ERCC6L: variants seen among roughly 807,000 people sequenced by gnomAD.
ERCC6L encodes the protein DNA excision repair protein ERCC-6-like.
Under a neutral mutation model 20.1 loss-of-function variants are expected in ERCC6L, and 7 were observed. The ratio of observed to expected loss-of-function variants is 0.35; its 90% CI spans 0.20 to 0.65. ERCC6L has a LOEUF of 0.65. Among genes scored for constraint, ERCC6L ranks in the 30% least tolerant of loss-of-function variants. ERCC6L has a pLI of 0.69. For missense variants in ERCC6L, 592 were observed against 892.4 expected (o/e 0.66, Z 4.29); for synonymous variants, 278 against 331.3 (o/e 0.84, Z 1.75).
At chrX:72,233,217 C>G (rs1450238831) in intron 1 of ERCC6L, among the ~76,000 whole-genome samples, 1 of 111,266 alleles carries the variant, frequency 9.0e-6, no homozygotes, top group Non-Finnish European at 1.9e-5. Flanking sequence ...GTATTCATGC[C>G]AAAAATATTG....
chrX:72,206,075 TGG>T lies in ERCC6L; in HGVS notation c.2690_2691del (p.Pro897HisfsTer7). 8.3e-7 allele frequency: 1 copy of T among 1,210,966 alleles called. No individual in the cohort carries two copies. Among genetic ancestry groups the T allele is most frequent in the South Asian group, 1.8e-5 (1 of 56,772 alleles). On this transcript the variant is annotated frameshift_variant, in exon 2 of 2. Transcript: ENST00000334463. LOFTEE classifies it low-confidence loss of function (END_TRUNC). The part of the protein sequence containing the change: ...DEILRHCNPW[P>X]IISITNESQN... ...TGACTTTCATTTGTTATGGAAATAA[TGG>T]GCCAAGGATTGCAATGACGTAAAAT...
In ERCC6L at chrX:72,208,569, G is replaced by A. The variant is rs2042834536; in HGVS notation, c.198C>T (p.Ala66=). ...CTCCCTGTTCTGCCAACTCCTCCAA[G>A]GCTTCCTGTATTTTTTGGATTCTGC... The part of the protein sequence containing the change: ...VLSRIQKIQE[A]LEELAEQGDD... The change falls in exon 2 of 2, where the codon GCC becomes GCT. Residue 66 remains alanine, a synonymous_variant. Transcript: ENST00000334463. 1 of 1,211,507 alleles carries A rather than the reference G, an allele frequency of 8.3e-7. No individual in the cohort carries two copies. Among genetic ancestry groups the A allele is most frequent in the Non-Finnish European group, 1.1e-6 (1 of 895,432 alleles).
chrX:72,210,186 C>T (rs959916661), intron 1 of ERCC6L, among the ~76,000 whole-genome samples: 4 of 68,762 alleles, frequency 5.8e-5, no homozygotes, highest in Non-Finnish European at 6.9e-5. Flanking sequence ...AATAACATAG[C>T]GAGACTGTCT....
chrX:72,209,775 T>C (rs750945885), intron 1 of ERCC6L, among the ~76,000 whole-genome samples: 1 of 111,682 alleles, frequency 9.0e-6, no homozygotes, highest in East Asian at 2.8e-4. Context: ...AAAGAAATCA[T>C]GTCACTCCTC....
intron 1 of ERCC6L, among the ~76,000 whole-genome samples, chrX:72,223,509 C>A (rs1161809418): frequency 9.4e-6 from 1 of 106,432 alleles, no homozygotes; most frequent in Non-Finnish European, 1.9e-5. Flanking sequence ...CCTGCCTCAG[C>A]CTCCCGAGTA....
intron 1 of ERCC6L, among the ~76,000 whole-genome samples, chrX:72,236,132 C>T (rs368702799): frequency 1.8e-5 from 2 of 110,417 alleles, no homozygotes; most frequent in Non-Finnish European, 3.8e-5. Context: ...AATGCTTGAA[C>T]GGTGGTGTAA....
At chrX:72,216,116 ATTGAT>A (rs781119681) in intron 1 of ERCC6L, among the ~76,000 whole-genome samples, 2 of 110,652 alleles carry the variant, frequency 1.8e-5, no homozygotes, top group South Asian at 3.9e-4. Flanking sequence ...TGCAGATGTT[ATTGAT>A]TTAAGATGAG....
chrX:72,215,956 C>T (rs1353963224), intron 1 of ERCC6L, among the ~76,000 whole-genome samples: 1 of 110,535 alleles, frequency 9.0e-6, no homozygotes, highest in Non-Finnish European at 1.9e-5. Context: ...AAAATGTTGG[C>T]ATTTCTGGGG....
chrX:72,225,363 A>T (rs913700786), intron 1 of ERCC6L, among the ~76,000 whole-genome samples: 1 of 111,833 alleles, frequency 8.9e-6, no homozygotes, highest in African/African-American at 3.3e-5. Flanking sequence ...GCTTCAGTAC[A>T]TGGATGATTT....
At chrX:72,221,337 C>T (rs757138998) in intron 1 of ERCC6L, among the ~76,000 whole-genome samples, 3 of 112,069 alleles carry the variant, frequency 2.7e-5, no homozygotes, top group African/African-American at 3.2e-5. Flanking sequence ...TCTGCCATCC[C>T]GGTCCTCAGA....
chrX:72,219,236 A>G (rs1419495524), intron 1 of ERCC6L, among the ~76,000 whole-genome samples: 1 of 109,770 alleles, frequency 9.1e-6, no homozygotes, highest in Non-Finnish European at 1.9e-5. Flanking sequence ...AGCCTGGGAA[A>G]CAGAATGAGA....
chrX:72,230,377 C>T (rs1409543721), intron 1 of ERCC6L, among the ~76,000 whole-genome samples: 1 of 109,785 alleles, frequency 9.1e-6, no homozygotes, highest in Non-Finnish European at 1.9e-5. Flanking sequence ...ACCTCCTCTC[C>T]TCCCAGAGAC....
At chrX:72,221,663 C>T (rs899086228) in intron 1 of ERCC6L, among the ~76,000 whole-genome samples, 1 of 111,068 alleles carries the variant, frequency 9.0e-6, no homozygotes, top group African/African-American at 3.3e-5. Flanking sequence ...TAATGACAGC[C>T]GATGGTTGGA....
chrX:72,221,160 G>T (rs2042920795), intron 1 of ERCC6L, among the ~76,000 whole-genome samples: 1 of 111,584 alleles, frequency 9.0e-6, no homozygotes, highest in South Asian at 3.7e-4. Context: ...TGGGTATTTT[G>T]CCCTCTCCCC....
chrX:72,206,503 G>A lies in ERCC6L; in HGVS notation c.2264C>T (p.Ser755Leu). 8.3e-7 allele frequency: 1 copy of A among 1,211,565 alleles called. No homozygotes were observed. The highest frequency in any genetic ancestry group is 1.1e-6 in the Non-Finnish European group (1 of 895,498). The stretch of plus-strand genomic sequence containing the variant: ...AGTATGATGAGTACTTAGAAGAGGT[G>A]AAGGCTGAGGCTGTGGTTTATTCAA... ...PKLNKPQPQP[S>L]PLLSTHHTQE... Residue 755 changes from serine (S) to leucine (L), a missense_variant, in exon 2 of 2, where the codon TCA (serine) becomes TTA (leucine). This residue lies in a region of ERCC6L where 352 missense variants were observed against 402.6 expected (regional missense o/e 0.87). Coordinates refer to ENST00000334463, the MANE Select transcript of ERCC6L (RefSeq NM_017669.4).
intron 1 of ERCC6L, among the ~76,000 whole-genome samples, chrX:72,211,903 G>C (rs2042856593): frequency 8.9e-6 from 1 of 112,047 alleles, no homozygotes; most frequent in African/African-American, 3.2e-5. Flanking sequence ...TGGCAAAACT[G>C]CCCAGTTGCT....
chrX:72,229,270 G>A (rs2042969892), intron 1 of ERCC6L, among the ~76,000 whole-genome samples: 2 of 111,151 alleles, frequency 1.8e-5, no homozygotes, highest in African/African-American at 6.5e-5. Context: ...CAAACTAACC[G>A]AGTTAACTAC....
In ERCC6L at chrX:72,205,916, A is replaced by G. The variant is rs2042816239; in HGVS notation, c.2851T>C (p.Cys951Arg). The change falls in exon 2 of 2, where the codon TGT becomes CGT. Residue 951 changes from cysteine to arginine, a missense_variant. Cys to Arg is a radical substitution (Grantham distance 180, BLOSUM62 -3). Coordinates refer to ENST00000334463, the MANE Select transcript of ERCC6L (RefSeq NM_017669.4). ...TCTTCCAAGAAAAGATTGAAATCAC[A>G]TGCATACTGTGGTGAAGATGCTGAA... ...EPSASSPQYACDFNLFLEDSA... is the reference protein window; with the variant it reads ...EPSASSPQYARDFNLFLEDSA... 1 of 1,211,132 alleles carries G rather than the reference A, an allele frequency of 8.3e-7. No individual in the cohort carries two copies. The highest frequency in any genetic ancestry group is 1.1e-6 in the Non-Finnish European group (1 of 895,050).
At chrX:72,211,078 CACTTA>C (rs202072699) in intron 1 of ERCC6L, among the ~76,000 whole-genome samples, 1,801 of 112,102 alleles carry the variant, frequency 0.016, 42 homozygotes, top group African/African-American at 0.054. Context: ...TTGATTTAGC[CACTTA>C]ACTTCTAATC....
Sources: gnomAD v4.1 joint callset for allele counts (sites outside exome capture counted in the v4.1 genomes callset) on GRCh38, gnomAD v4.1.1 for gene constraint, gnomAD v4.1.1 regional missense constraint, MANE v1.5 for transcripts, NCBI Gene and HGNC (gene_info 2026-07-23, HGNC 2026-07-21) for gene names.